The following ROBO2 variants were observed in gnomAD, a reference collection of about 807,000 sequenced individuals.
ROBO2 encodes roundabout guidance receptor 2, also known as roundabout homolog 2.
A neutral mutation model predicts 160.8 loss-of-function variants in ROBO2; 53 were observed. The ratio of observed to expected loss-of-function variants is 0.33; its 90% CI spans 0.26 to 0.41. ROBO2 has a LOEUF of 0.41. Ranked by LOEUF, ROBO2 falls within the 10% of genes least tolerant of loss-of-function variation. The pLI, the probability that ROBO2 is intolerant of heterozygous loss-of-function variation, is 1.00. For synonymous variants in ROBO2, 664 were observed against 611.7 expected (o/e 1.09, Z -1.26); for missense variants, 1,577 against 1,722.4 (o/e 0.92, Z 1.49).
At chr3:77,389,235 C>T (rs551708906) in intron 2 of ROBO2, among the ~76,000 whole-genome samples, 6 of 152,166 alleles carry the variant, frequency 3.9e-5, no homozygotes, top group African/African-American at 2.4e-5. Flanking sequence ...TGAGCCACCA[C>T]GCCAGGCCTT....
At chr3:76,393,395 G>C (rs1252990109) in intron 2 of ROBO2, among the ~76,000 whole-genome samples, 2 of 152,032 alleles carry the variant, frequency 1.3e-5, no homozygotes, top group Non-Finnish European at 2.9e-5. Context: ...TTTCATTGTA[G>C]AAAATTTTAA....
At chr3:76,586,585 C>A (rs527507344) in intron 2 of ROBO2, among the ~76,000 whole-genome samples, 13 of 152,278 alleles carry the variant, frequency 8.5e-5, no homozygotes, top group African/African-American at 3.1e-4. Flanking sequence ...TAAAAGTTTT[C>A]AAATTATGAT....
chr3:77,057,474 C>T lies in ROBO2; in HGVS notation c.61+16628C>T, dbSNP rs142869714. Among the ~76,000 whole-genome samples the T allele has an allele frequency of 4.7e-4, 72 of 151,750 alleles. No individual in the cohort carries two copies. In the East Asian group the frequency reaches 0.01, roughly 21 times the overall value. On this transcript the variant is annotated intron_variant, in intron 1 of 25. Coordinates refer to ENST00000461745, the Ensembl canonical transcript of ROBO2. ...GTAAGGTATATATATTAAAAAAAGACCAAGTTCAAAGGCTTTGGCACATCT... is the reference window on the plus strand; with the variant it reads ...GTAAGGTATATATATTAAAAAAAGATCAAGTTCAAAGGCTTTGGCACATCT...
At chr3:76,854,124 T>G (rs1197116918) in intron 2 of ROBO2, among the ~76,000 whole-genome samples, 2 of 150,348 alleles carry the variant, frequency 1.3e-5, no homozygotes, top group African/African-American at 4.9e-5. Context: ...ATACCTAAAA[T>G]TTTGTGCCTT....
exon 19 of ROBO2, chr3:77,596,663 T>C: frequency 1.2e-6 from 2 of 1,614,040 alleles, no homozygotes; most frequent in Non-Finnish European, 1.7e-6. Flanking sequence ...CAGCTATCCA[T>C]GGCTTGCTGA....
chr3:77,406,345 A>C (rs1018756772), intron 2 of ROBO2, among the ~76,000 whole-genome samples: 1 of 152,160 alleles, frequency 6.6e-6, no homozygotes, highest in African/African-American at 2.4e-5. Flanking sequence ...GAGTCAAACC[A>C]TATCATAGGG....
At chr3:76,264,879 T>A (rs1707002933) in intron 2 of ROBO2, among the ~76,000 whole-genome samples, 1 of 152,142 alleles carries the variant, frequency 6.6e-6, no homozygotes, top group Admixed American at 6.6e-5. Flanking sequence ...CTGGCCACAT[T>A]TGTTGCCACC....
chr3:75,986,255 G>A (rs2107480373), intron 2 of ROBO2, among the ~76,000 whole-genome samples: 1 of 151,302 alleles, frequency 6.6e-6, no homozygotes. Flanking sequence ...GAGGTGTTAT[G>A]TTCTTGTAGT....
At chr3:76,925,143 G>A (rs925706025) in intron 2 of ROBO2, among the ~76,000 whole-genome samples, 7 of 148,138 alleles carry the variant, frequency 4.7e-5, no homozygotes, top group Admixed American at 6.8e-5. Flanking sequence ...CCCGGGAGGC[G>A]GAGCTTGCAG....
intron 2 of ROBO2, among the ~76,000 whole-genome samples, chr3:76,471,717 T>C (rs7644651): frequency 0.63 from 95,290 of 152,004 alleles, 30,136 homozygotes; most frequent in African/African-American, 0.71. Flanking sequence ...AAGAACTGCC[T>C]GAGACTGAGT....
chr3:77,351,684 AG>A (rs1418331593), intron 2 of ROBO2, among the ~76,000 whole-genome samples: 1 of 152,166 alleles, frequency 6.6e-6, no homozygotes, highest in Non-Finnish European at 1.5e-5. Flanking sequence ...AGTAGAATGG[AG>A]GATCATTGTC....
intron 2 of ROBO2, among the ~76,000 whole-genome samples, chr3:76,161,365 A>G (rs926501273): frequency 6.6e-5 from 10 of 152,160 alleles, no homozygotes; most frequent in African/African-American, 2.2e-4. Flanking sequence ...TTTATTTTCT[A>G]TTGTGCTTAT....
At chr3:76,232,453 C>T (rs1347037022) in intron 2 of ROBO2, among the ~76,000 whole-genome samples, 1 of 152,156 alleles carries the variant, frequency 6.6e-6, no homozygotes, top group African/African-American at 2.4e-5. Context: ...ATTTCTATAA[C>T]AGTAAGACAG....
chr3:75,972,754 T>C (rs2065031425), intron 2 of ROBO2, among the ~76,000 whole-genome samples: 1 of 151,566 alleles, frequency 6.6e-6, no homozygotes, highest in Non-Finnish European at 1.5e-5. Context: ...ATCTCAGCAA[T>C]CTCTTTTGCA....
chr3:76,113,325 A>G (rs1269575704), intron 2 of ROBO2, among the ~76,000 whole-genome samples: 1 of 152,124 alleles, frequency 6.6e-6, no homozygotes, highest in East Asian at 1.9e-4. Context: ...TTCAATTACT[A>G]TAAAAATCTG....
At chr3:77,314,311 T>A (rs975485667) in intron 2 of ROBO2, among the ~76,000 whole-genome samples, 1 of 152,214 alleles carries the variant, frequency 6.6e-6, no homozygotes, top group Non-Finnish European at 1.5e-5. Context: ...CCAATCTTAC[T>A]TAGTCTACAT....
chr3:77,017,170 G>T (rs1461550133), intron 2 of ROBO2, among the ~76,000 whole-genome samples: 2 of 152,206 alleles, frequency 1.3e-5, no homozygotes, highest in East Asian at 1.9e-4. Flanking sequence ...AACAACAAAA[G>T]TCTACTAGAA....
At chr3:76,745,434 A>G (rs1283042830) in intron 2 of ROBO2, among the ~76,000 whole-genome samples, 3 of 152,130 alleles carry the variant, frequency 2.0e-5, no homozygotes, top group Non-Finnish European at 4.4e-5. Context: ...TTTATTCTAG[A>G]TAATCCTAGA....
At chr3:76,280,665 G>A (rs751032788) in intron 2 of ROBO2, among the ~76,000 whole-genome samples, 2 of 151,778 alleles carry the variant, frequency 1.3e-5, no homozygotes, top group African/African-American at 2.4e-5. Context: ...GTTTTAAATG[G>A]CCACTTTTAT....
Sources: allele counts gnomAD v4.1 joint callset (sites outside exome capture counted in the v4.1 genomes callset), GRCh38; gene constraint gnomAD v4.1.1; transcripts MANE v1.5; gene names NCBI Gene and HGNC (gene_info 2026-07-23, HGNC 2026-07-21).